WDR37: variants seen among roughly 807,000 people sequenced by gnomAD.
WDR37 encodes WD repeat-containing protein 37.
WDR37 carries 19 observed loss-of-function variants against 62.9 expected under a neutral mutation model. The observed-to-expected ratio is 0.30, with a 90% confidence interval of 0.21 to 0.44. WDR37 has a LOEUF of 0.44. Ranked by LOEUF, WDR37 falls within the 20% of genes least tolerant of loss-of-function variation. WDR37 has a pLI of 1.00. For missense variants in WDR37, 474 were observed against 657.6 expected (o/e 0.72, Z 3.05); for synonymous variants, 250 against 260.9 (o/e 0.96, Z 0.40).
At chr10:1,076,883 C>T (rs1046298881) in intron 2 of WDR37, among the ~76,000 whole-genome samples, 1 of 150,798 alleles carries the variant, frequency 6.6e-6, no homozygotes, top group Non-Finnish European at 1.5e-5. Context: ...GCCTATAGTC[C>T]CAGCTACTGG....
At chr10:1,100,467 T>C (rs1834756241) in intron 9 of WDR37, among the ~76,000 whole-genome samples, 1 of 152,264 alleles carries the variant, frequency 6.6e-6, no homozygotes, top group South Asian at 2.1e-4. Flanking sequence ...GTGTTGACTC[T>C]GATTTGCTTA....
At chr10:1,082,990 A>C (rs561011273) in intron 5 of WDR37, among the ~76,000 whole-genome samples, 1 of 152,346 alleles carries the variant, frequency 6.6e-6, no homozygotes, top group Admixed American at 6.5e-5. Context: ...AGGCCTGGAA[A>C]ATGAAATTTA....
At chr10:1,110,186 C>T (rs1355076977) in intron 11 of WDR37, among the ~76,000 whole-genome samples, 1 of 152,194 alleles carries the variant, frequency 6.6e-6, no homozygotes, top group Non-Finnish European at 1.5e-5. Context: ...GTCCGCTGGG[C>T]TGTTGGACAT....
chr10:1,060,938 T>C (rs2131601188), intron 1 of WDR37, among the ~76,000 whole-genome samples: 1 of 152,350 alleles, frequency 6.6e-6, no homozygotes, highest in Non-Finnish European at 1.5e-5. Flanking sequence ...CCATCTAGCC[T>C]AGGTGTGGAG....
rs1350334739 is a variant in WDR37, at chr10:1,121,157, T to A, written c.1104-3061T>A. Among the ~76,000 whole-genome samples, 1 of 152,260 alleles carries A rather than the reference T, an allele frequency of 6.6e-6. No individual in the cohort carries two copies. Among genetic ancestry groups the A allele is most frequent in the Non-Finnish European group, 1.5e-5 (1 of 68,048 alleles). ...TGCTGCCTCTTTGCCAGTTCTTTTT[T>A]CTTTTGATGTCCGACAATACTTGTC... On this transcript the variant is annotated intron_variant, in intron 11 of 13. Coordinates refer to ENST00000263150, the MANE Select transcript of WDR37 (RefSeq NM_014023.4). The surrounding 1 kb of genome is among the most constrained non-coding windows in gnomAD (Gnocchi z 4.5).
chr10:1,079,979 C>G (rs776673690), intron 3 of WDR37, 32 bp from the exon 4 acceptor site: 1 of 1,599,218 alleles, frequency 6.3e-7, no homozygotes, highest in Non-Finnish European at 8.6e-7. Flanking sequence ...TAAAAACATA[C>G]TTTAGATTTT....
At position 1,131,626 on chromosome 10, in the gene WDR37, A is replaced by C. The variant is rs1480022052; in HGVS notation, c.*2282A>C. ...CGCTGCTGTGTCGTCTTCTAATGTG[A>C]GCTCATCCACTGCTGCTGCAGCGTG... On this transcript the variant is annotated 3_prime_UTR_variant, in exon 14 of 14. Transcript: ENST00000263150. The C allele has an allele frequency of 1.3e-5, 2 of 152,124 alleles. No homozygotes were observed. Among genetic ancestry groups the C allele is most frequent in the Non-Finnish European group, 2.9e-5 (2 of 68,122 alleles). 9.4% of individuals were successfully genotyped at this position (152,124 alleles called of 1,614,324 possible).
At chr10:1,088,346 C>G (rs1333055314) in intron 7 of WDR37, among the ~76,000 whole-genome samples, 1 of 152,214 alleles carries the variant, frequency 6.6e-6, no homozygotes, top group Non-Finnish European at 1.5e-5. Context: ...GACTTGCCTT[C>G]CTCACTAAGC....
At chr10:1,091,487 C>A (rs1415863783) in intron 7 of WDR37, among the ~76,000 whole-genome samples, 2 of 152,138 alleles carry the variant, frequency 1.3e-5, no homozygotes, top group African/African-American at 4.8e-5. Flanking sequence ...AAATATAATT[C>A]TAATGGTATA....
At chr10:1,069,102 A>G (rs1354337220) in intron 1 of WDR37, among the ~76,000 whole-genome samples, 1 of 152,084 alleles carries the variant, frequency 6.6e-6, no homozygotes, top group Non-Finnish European at 1.5e-5. Flanking sequence ...TTGGGGTGAT[A>G]AAAATGTACA....
rs369512709 is a variant in WDR37 at position 1,125,981 on chromosome 10, T to C, written c.1353+957T>C. 9.9e-5 allele frequency among the ~76,000 whole-genome samples: 15 copies of C among 152,242 alleles called. No homozygotes were observed. The East Asian group carries it at 2.1e-3, about 22-fold the overall frequency. On this transcript the variant is annotated intron_variant, in intron 13 of 13. Transcript: ENST00000263150. ...CACAGATGCAGAGGCCCAGGGGGCCTGGGGGCCCGTGTTCAGATTCCCTGG... is the reference window on the plus strand; with the variant it reads ...CACAGATGCAGAGGCCCAGGGGGCCCGGGGGCCCGTGTTCAGATTCCCTGG...
chr10:1,082,744 G>A (rs536221995), intron 5 of WDR37, among the ~76,000 whole-genome samples: 2 of 107,538 alleles, frequency 1.9e-5, no homozygotes, highest in Admixed American at 1.9e-4. Flanking sequence ...ATTTGAAAAC[G>A]GCACATGATC....
chr10:1,128,867 G>A (rs887446493), intron 13 of WDR37, among the ~76,000 whole-genome samples: 5 of 151,352 alleles, frequency 3.3e-5, no homozygotes, highest in African/African-American at 1.2e-4. Flanking sequence ...CATGCTCGGC[G>A]GTCCATGCTC....
At chr10:1,127,852 TG>T (rs1835847996) in intron 13 of WDR37, among the ~76,000 whole-genome samples, 1 of 152,138 alleles carries the variant, frequency 6.6e-6, no homozygotes, top group South Asian at 2.1e-4. Context: ...GCTTCCTGGG[TG>T]GCAATGCTGT....
intron 7 of WDR37, among the ~76,000 whole-genome samples, chr10:1,088,082 C>T (rs1031850982): frequency 2.0e-5 from 3 of 152,166 alleles, no homozygotes; most frequent in East Asian, 1.9e-4. Flanking sequence ...GCTTTTCTTC[C>T]GCAGCTCCCT....
rs1255518359 is a variant in WDR37, at chr10:1,131,550, A to C, written c.*2206A>C. On this transcript the variant is annotated 3_prime_UTR_variant, in exon 14 of 14. Transcript: ENST00000263150. ...GACTCCTGCATGTCCTTGGGGGCGC[A>C]GCCCTGTGGTGCTCAGGCAGAGCTC... 1 of 152,270 alleles carries C rather than the reference A, an allele frequency of 6.6e-6. No individual in the cohort carries two copies. Among genetic ancestry groups the C allele is most frequent in the Non-Finnish European group, 1.5e-5 (1 of 68,082 alleles). The allele number at this position is 152,270 out of a possible 1,614,324, so 9.4% of individuals were successfully genotyped here.
chr10:1,107,823 A>G (rs999205162), intron 11 of WDR37, among the ~76,000 whole-genome samples: 1 of 150,316 alleles, frequency 6.7e-6, no homozygotes, highest in Non-Finnish European at 1.5e-5. Flanking sequence ...CTCTTTACAC[A>G]TGTGTACACG....
At chr10:1,071,895 A>G (rs1833743013) in intron 1 of WDR37, among the ~76,000 whole-genome samples, 1 of 152,050 alleles carries the variant, frequency 6.6e-6, no homozygotes, top group Non-Finnish European at 1.5e-5. Flanking sequence ...TTGCCATTTG[A>G]TACTTAAGAT....
Position 1,086,372 on chromosome 10 carries a change from A to C in WDR37, c.604+15A>C, listed in dbSNP as rs1388707170. 2 of 1,609,058 alleles carry C rather than the reference A, an allele frequency of 1.2e-6. No homozygotes were observed. Among genetic ancestry groups the C allele is most frequent in the Admixed American group, 1.7e-5 (1 of 59,800 alleles). ...CGTGGGCTCAGGTAAGCACTGCCTAAGGAGTGCCGTAGCCAGAGGCCGTTG... is the reference window on the plus strand; with the variant it reads ...CGTGGGCTCAGGTAAGCACTGCCTACGGAGTGCCGTAGCCAGAGGCCGTTG... On this transcript the variant is annotated intron_variant, in intron 7 of 13. Coordinates refer to ENST00000263150, the MANE Select transcript of WDR37 (RefSeq NM_014023.4).
Sources: gnomAD v4.1 joint callset for allele counts (sites outside exome capture counted in the v4.1 genomes callset) on GRCh38, gnomAD v4.1.1 for gene constraint, Gnocchi (gnomAD v3.1) non-coding constraint, MANE v1.5 for transcripts, NCBI Gene and HGNC (gene_info 2026-07-23, HGNC 2026-07-21) for gene names.